CREBBP: variants seen among roughly 807,000 people sequenced by gnomAD.
CREBBP encodes the protein CREB binding lysine acetyltransferase, also known as CREB-binding protein.
Under a neutral mutation model 265.0 loss-of-function variants are expected in CREBBP, and 19 were observed. The ratio of observed to expected loss-of-function variants is 0.07; its 90% CI spans 0.05 to 0.11. The LOEUF (loss-of-function observed/expected upper bound fraction) is 0.11, where lower values mean the gene tolerates loss of function less well. Among genes scored for constraint, CREBBP ranks in the 10% least tolerant of loss-of-function variants. The pLI is 1.00. For missense variants in CREBBP, 2,525 were observed against 3,219.0 expected (o/e 0.78, Z 5.22); for synonymous variants, 1,457 against 1,223.7 (o/e 1.19, Z -3.98).
At chr16:3,787,011 C>T (rs954934685) in intron 5 of CREBBP, among the ~76,000 whole-genome samples, 14 of 150,232 alleles carry the variant, frequency 9.3e-5, no homozygotes, top group South Asian at 4.2e-4. Flanking sequence ...ACGGAGGTTG[C>T]GGTGAACTAA....
intron 1 of CREBBP, among the ~76,000 whole-genome samples, chr16:3,873,983 G>A (rs1421674242): frequency 6.6e-6 from 1 of 152,228 alleles, no homozygotes; most frequent in African/African-American, 2.4e-5. Context: ...GTGCTGGGAA[G>A]AGGGCCGTGG....
chr16:3,879,234 G>GCGCGCACACA (rs1249627930), intron 1 of CREBBP, among the ~76,000 whole-genome samples: 14 of 150,838 alleles, frequency 9.3e-5, no homozygotes, highest in African/African-American at 3.4e-4. Context: ...ACACACGCGC[G>GCGCGCACACA]CACACACACA....
chr16:3,872,068 G>A (rs1354454839), intron 1 of CREBBP, among the ~76,000 whole-genome samples: 1 of 152,098 alleles, frequency 6.6e-6, no homozygotes, highest in Non-Finnish European at 1.5e-5. Flanking sequence ...TGTCACACGG[G>A]ATAATATCCA....
At chr16:3,788,130 C>A (rs1017086870) in intron 5 of CREBBP, among the ~76,000 whole-genome samples, 1 of 152,152 alleles carries the variant, frequency 6.6e-6, no homozygotes, top group Non-Finnish European at 1.5e-5. Context: ...GGCTCTGGGG[C>A]CGACCCTGCA....
chr16:3,832,344 G>C (rs1041549438), intron 2 of CREBBP, among the ~76,000 whole-genome samples: 7 of 152,070 alleles, frequency 4.6e-5, no homozygotes, highest in Non-Finnish European at 8.8e-5. Flanking sequence ...GTATATTATT[G>C]TTATCAAAAA....
chr16:3,850,849 G>A lies in CREBBP; in HGVS notation c.246C>T (p.Ile82=). ...ELLRGGSGSS[I]NPGIGNVSAS... ...CGCTCACATTTCCTATTCCTGGGTT[G>A]ATACTAGAGCCGCTGCCTCCTCGTA... The change falls in exon 2 of 31, where the codon ATC becomes ATT. Residue 82 remains isoleucine, a synonymous_variant. Coordinates refer to ENST00000262367, the MANE Select transcript of CREBBP (RefSeq NM_004380.3). 1.2e-6 allele frequency: 2 copies of A among 1,614,182 alleles called. No homozygotes were observed. Among genetic ancestry groups the A allele is most frequent in the Non-Finnish European group, 1.7e-6 (2 of 1,180,050 alleles).
At chr16:3,820,339 T>G (rs1391860717) in intron 2 of CREBBP, among the ~76,000 whole-genome samples, 1 of 152,206 alleles carries the variant, frequency 6.6e-6, no homozygotes, top group Non-Finnish European at 1.5e-5. Flanking sequence ...CGCCACTGAT[T>G]ACAGTGCCAC....
At chr16:3,749,072 G>A (rs574852742) in intron 21 of CREBBP, among the ~76,000 whole-genome samples, 30 of 152,282 alleles carry the variant, frequency 2.0e-4, no homozygotes, top group African/African-American at 6.5e-4. Flanking sequence ...GCGTGAACCC[G>A]GGAGGCGGAG....
chr16:3,835,661 G>T (rs1045159774), intron 2 of CREBBP, among the ~76,000 whole-genome samples: 11 of 145,304 alleles, frequency 7.6e-5, no homozygotes, highest in Non-Finnish European at 1.5e-4. Flanking sequence ...GTCACTGCAA[G>T]CTCCGCCTCC....
In CREBBP at chr16:3,740,569, C is replaced by T. The variant is rs200005528; in HGVS notation, c.3983-20G>A. On this transcript the variant is annotated intron_variant, in intron 23 of 30. Coordinates refer to ENST00000262367, the MANE Select transcript of CREBBP (RefSeq NM_004380.3). ...GCAGCCCTAGGAAGTCCAGAAGGAGCAGGTGAGAGGGCTTCAACAGCACTG... is the reference window on the plus strand; with the variant it reads ...GCAGCCCTAGGAAGTCCAGAAGGAGTAGGTGAGAGGGCTTCAACAGCACTG... The T allele has an allele frequency of 3.1e-6, 5 of 1,614,068 alleles. No homozygotes were observed. The highest frequency in any genetic ancestry group is 4.2e-6 in the Non-Finnish European group (5 of 1,179,980).
chr16:3,849,400 T>C (rs1453041269), intron 2 of CREBBP, among the ~76,000 whole-genome samples: 2 of 3,698 alleles, frequency 5.4e-4, no homozygotes, highest in African/African-American at 6.3e-4. Context: ...TGTGTGTGTG[T>C]GTGTGTGTGT....
At chr16:3,848,789 G>GAGA (rs1335779217) in intron 2 of CREBBP, among the ~76,000 whole-genome samples, 4 of 152,132 alleles carry the variant, frequency 2.6e-5, no homozygotes, top group Non-Finnish European at 5.9e-5. Flanking sequence ...ATAAACCCAT[G>GAGA]AGAAATTCCT....
rs2051814083 is a variant in CREBBP, at chr16:3,728,518, C to T, written c.6529G>A (p.Gly2177Arg). Residue 2177 changes from glycine (G) to arginine (R), a missense_variant, in exon 31 of 31, where the codon GGA becomes AGA. Physicochemically the swap from Gly to Arg is moderately radical, Grantham distance 125. Around this residue, in one of 19 missense-constraint regions of CREBBP, gnomAD observed 473 missense variants for 459.3 expected, o/e 1.03. Transcript: ENST00000262367. This position sits in a 1 kb window ranked among gnomAD's most constrained non-coding sequence, Gnocchi z 8.7. ...ATACTCGCCATGTTGGGGTTGTGTC[C>T]TGGGTTCATGATGTTCAAGGCCTGG... ...QGQALNIMNP[G>R]HNPNMASMNP... 1 of 1,614,042 alleles carries T rather than the reference C, an allele frequency of 6.2e-7. No homozygotes were observed. The highest frequency in any genetic ancestry group is 8.5e-7 in the Non-Finnish European group (1 of 1,180,010).
At chr16:3,770,107 T>C (rs113841987) in intron 14 of CREBBP, among the ~76,000 whole-genome samples, 5,799 of 152,228 alleles carry the variant, frequency 0.038, 365 homozygotes, top group African/African-American at 0.13. Flanking sequence ...TGAGCTCCGG[T>C]GATCCGCCTG....
At chr16:3,767,675 T>G in intron 16 of CREBBP, 45 bp downstream of exon 16, 2 of 1,613,578 alleles carry the variant, frequency 1.2e-6, no homozygotes, top group African/African-American at 2.7e-5. Context: ...CCTAACACCG[T>G]GGAAAAGCAG....
At chr16:3,802,951 G>A (rs375905429) in intron 3 of CREBBP, among the ~76,000 whole-genome samples, 1 of 152,008 alleles carries the variant, frequency 6.6e-6, no homozygotes, top group Non-Finnish European at 1.5e-5. Flanking sequence ...CACTTGCTCA[G>A]GTTCCCTCAT....
chr16:3,756,158 TA>T (rs1232742774), intron 19 of CREBBP, among the ~76,000 whole-genome samples: 1 of 152,130 alleles, frequency 6.6e-6, no homozygotes, highest in Non-Finnish European at 1.5e-5. Flanking sequence ...CAAATGAGAG[TA>T]AAATAATAAA....
At chr16:3,791,880 TGG>T (rs1301256841) in intron 5 of CREBBP, 99 bp downstream of exon 5, 1 of 1,028,676 alleles carries the variant, frequency 9.7e-7, no homozygotes, top group Non-Finnish European at 1.5e-6. Context: ...CTGCACTCCA[TGG>T]CTCATAACCC....
intron 2 of CREBBP, among the ~76,000 whole-genome samples, chr16:3,841,811 C>T (rs900813731): frequency 1.3e-5 from 2 of 152,270 alleles, no homozygotes; most frequent in Middle Eastern, 3.4e-3. Context: ...ACCACAATTA[C>T]GGTCACCGGT....
Sources: gnomAD v4.1 joint callset for allele counts (sites outside exome capture counted in the v4.1 genomes callset) on GRCh38, gnomAD v4.1.1 for gene constraint, gnomAD v4.1.1 regional missense constraint, Gnocchi (gnomAD v3.1) non-coding constraint, MANE v1.5 for transcripts, NCBI Gene and HGNC (gene_info 2026-07-23, HGNC 2026-07-21) for gene names.